Variants in ADAMTS16 observed in about 807,000 individuals in gnomAD.
ADAMTS16 encodes ADAM metallopeptidase with thrombospondin type 1 motif 16, also known as A disintegrin and metalloproteinase with thrombospondin motifs 16.
Under a neutral mutation model 145.8 loss-of-function variants are expected in ADAMTS16, and 94 were observed. The ratio of observed to expected loss-of-function variants is 0.64; its 90% CI spans 0.55 to 0.77. The LOEUF is 0.77. Among genes scored for constraint, ADAMTS16 ranks in the 30% least tolerant of loss-of-function variants. ADAMTS16 has a pLI of 0.00. For missense variants in ADAMTS16, 1,585 were observed against 1,591.5 expected (o/e 1.00, Z 0.07); for synonymous variants, 659 against 604.3 (o/e 1.09, Z -1.33).
chr5:5,303,672 C>T lies in ADAMTS16; in HGVS notation c.3092C>T (p.Thr1031Ile). The change falls in exon 20 of 23, where the codon ACC becomes ATC. Residue 1031 changes from threonine (T) to isoleucine (I), a missense_variant. Around this residue, in one of 3 missense-constraint regions of ADAMTS16, gnomAD observed 834 missense variants for 811.7 expected, o/e 1.03. Transcript: ENST00000274181. ...RAQLLPDAVC[T>I]SEPKPRMHEA... ...CAGCTGCTGCCCGACGCTGTCTGCA[C>T]CTCCGAGCCCAAGCCCAGGATGCAT... 1 of 1,613,902 alleles carries T rather than the reference C, an allele frequency of 6.2e-7. No homozygotes were observed.
At chr5:5,272,153 GGT>G (rs1201552352) in intron 18 of ADAMTS16, among the ~76,000 whole-genome samples, 2 of 152,072 alleles carry the variant, frequency 1.3e-5, no homozygotes, top group African/African-American at 4.8e-5. Context: ...TTGCTTAGGT[GGT>G]GTTTGTGTAG....
At chr5:5,272,401 A>T (rs532266906) in intron 18 of ADAMTS16, among the ~76,000 whole-genome samples, 5 of 129,850 alleles carry the variant, frequency 3.9e-5, no homozygotes, top group African/African-American at 1.4e-4. Flanking sequence ...TTGCTCTGTC[A>T]CCCAGGCTGG....
intron 7 of ADAMTS16, among the ~76,000 whole-genome samples, chr5:5,191,243 A>G (rs776318507): frequency 2.6e-5 from 4 of 152,178 alleles, no homozygotes; most frequent in Non-Finnish European, 4.4e-5. Flanking sequence ...GTTATGACAG[A>G]TGTGAATCAT....
At chr5:5,190,159 C>G (rs564081784) in intron 7 of ADAMTS16, 29 bp downstream of exon 7, 1 of 1,542,952 alleles carries the variant, frequency 6.5e-7, no homozygotes, top group Non-Finnish European at 8.7e-7. Context: ...GTGTGAGGAC[C>G]GTGTGTGGAA....
chr5:5,208,122 A>G (rs565165105), intron 9 of ADAMTS16, among the ~76,000 whole-genome samples: 2 of 152,310 alleles, frequency 1.3e-5, no homozygotes, highest in East Asian at 3.9e-4. Context: ...AATCTCTGGT[A>G]TAATTCACAG....
chr5:5,303,603 A>T lies in ADAMTS16; in HGVS notation c.3023A>T (p.Lys1008Met). ...CACACCTGTGGGAAGGGGTGGAGGAAGCGGGCAGTGGCCTGTAAGAGCACC... is the reference window on the plus strand; with the variant it reads ...CACACCTGTGGGAAGGGGTGGAGGATGCGGGCAGTGGCCTGTAAGAGCACC... ...CSHTCGKGWR[K>M]RAVACKSTNP... is the part of the protein sequence containing the mutation. Residue 1008 changes from lysine (K) to methionine (M), a missense_variant, in exon 20 of 23, where the codon AAG becomes ATG. Physicochemically the swap from Lys to Met is moderately conservative, Grantham distance 95. This residue lies in a region of ADAMTS16 where 834 missense variants were observed against 811.7 expected (regional missense o/e 1.03). Coordinates refer to ENST00000274181, the MANE Select transcript of ADAMTS16 (RefSeq NM_139056.4). 2 of 1,614,112 alleles carry T rather than the reference A, an allele frequency of 1.2e-6. No homozygotes were observed. The highest frequency in any genetic ancestry group is 1.7e-6 in the Non-Finnish European group (2 of 1,180,014).
At chr5:5,311,893 T>A (rs1010391186) in intron 21 of ADAMTS16, among the ~76,000 whole-genome samples, 1 of 152,046 alleles carries the variant, frequency 6.6e-6, no homozygotes, top group African/African-American at 2.4e-5. Flanking sequence ...ATTGTTTGTA[T>A]TTTTTAGTAC....
chr5:5,207,560 T>C (rs1322413129), intron 9 of ADAMTS16, among the ~76,000 whole-genome samples: 1 of 152,198 alleles, frequency 6.6e-6, no homozygotes, highest in South Asian at 2.1e-4. Context: ...TAGGTAGCAC[T>C]TCCAATACAA....
chr5:5,252,261 A>G (rs1737653151), intron 17 of ADAMTS16, among the ~76,000 whole-genome samples: 1 of 152,174 alleles, frequency 6.6e-6, no homozygotes. Flanking sequence ...AAGGACACTC[A>G]CCAGTCCTTG....
rs1233473973 is a variant in ADAMTS16 at position 5,168,720 on chromosome 5, T to TTATAATTATATAATTATATAAAA, written c.502-13304_502-13282dup. Among the ~76,000 whole-genome samples, 14 of 138,604 alleles carry TTATAATTATATAATTATATAAAA rather than the reference T, an allele frequency of 1.0e-4. No individual in the cohort carries two copies. The South Asian group carries it at 3.0e-3, about 30-fold the overall frequency. The allele number at this position is 138,604 out of a possible 152,430, so 90.9% of individuals were successfully genotyped here. Reference sequence around the variant, plus strand: ...AATATAATATATAATAATTATAATTTTATAATTATATAATTATATAAAATA... The same window carrying TTATAATTATATAATTATATAAAA: ...AATATAATATATAATAATTATAATTTTATAATTATATAATTATATAAAATATAATTATATAATTATATAAAATA... On this transcript the variant is annotated intron_variant, in intron 3 of 22. Coordinates refer to ENST00000274181, the MANE Select transcript of ADAMTS16 (RefSeq NM_139056.4).
intron 10 of ADAMTS16, among the ~76,000 whole-genome samples, chr5:5,214,012 A>T (rs1052881933): frequency 1.3e-5 from 2 of 152,242 alleles, no homozygotes; most frequent in African/African-American, 4.8e-5. Context: ...TCCTCCAGTC[A>T]GTGAGACTGC....
rs1735498138 is a variant in ADAMTS16, at chr5:5,186,304, GTGTGT to G, written c.963+54_963+58del. On this transcript the variant is annotated intron_variant, in intron 5 of 22. Transcript: ENST00000274181. ...CCTGTGTCATTGCACTTCGTAGGGT[GTGTGT>G]GTGTGTGTGTGTGTGTGTGTGTGTG... 6.5e-4 allele frequency: 700 copies of G among 1,080,724 alleles called. 10 individuals carry two copies. The highest frequency in any genetic ancestry group is 1.1e-3 in the Middle Eastern group (5 of 4,536). The allele number at this position is 1,080,724 out of a possible 1,614,324, so 66.9% of individuals were successfully genotyped here.
intron 8 of ADAMTS16, among the ~76,000 whole-genome samples, chr5:5,193,158 TGTGTGCGCGC>T (rs956565993): frequency 2.3e-4 from 33 of 142,546 alleles, no homozygotes; most frequent in Non-Finnish European, 7.7e-5. Context: ...TGTGTGTGTG[TGTGTGCGCGC>T]GCGCACATAT....
intron 10 of ADAMTS16, among the ~76,000 whole-genome samples, chr5:5,218,550 G>A (rs761473133): frequency 4.6e-5 from 7 of 152,244 alleles, no homozygotes; most frequent in Non-Finnish European, 1.0e-4. Flanking sequence ...GATGGCTTGT[G>A]TTAACCAGTT....
rs1028409693 is a variant in ADAMTS16, at chr5:5,186,371, A to G, written c.963+120A>G. On this transcript the variant is annotated intron_variant, in intron 5 of 22. Coordinates refer to ENST00000274181, the MANE Select transcript of ADAMTS16 (RefSeq NM_139056.4). ...CTTGTTACCTGTGGATTGATGTTCCATATATGAGAAATATTTTATTGGTGA... is the reference window on the plus strand; with the variant it reads ...CTTGTTACCTGTGGATTGATGTTCCGTATATGAGAAATATTTTATTGGTGA... 21 of 902,104 alleles carry G rather than the reference A, an allele frequency of 2.3e-5. No homozygotes were observed. In the African/African-American group the frequency reaches 2.9e-4, roughly 12 times the overall value. 55.9% of individuals were successfully genotyped at this position (902,104 alleles called of 1,614,324 possible).
chr5:5,297,863 A>G (rs1204707482), intron 18 of ADAMTS16, among the ~76,000 whole-genome samples: 1 of 152,144 alleles, frequency 6.6e-6, no homozygotes, highest in Non-Finnish European at 1.5e-5. Flanking sequence ...CTCATTGTAA[A>G]TCTCTCCTTG....
intron 11 of ADAMTS16, among the ~76,000 whole-genome samples, chr5:5,224,727 T>G (rs765720088): frequency 3.9e-5 from 6 of 152,226 alleles, no homozygotes; most frequent in Non-Finnish European, 5.9e-5. Context: ...TTGATTAAAA[T>G]GGATTATTCA....
chr5:5,241,946 A>G (rs544629137), intron 16 of ADAMTS16, 107 bp from the exon 17 acceptor site: 8 of 1,330,514 alleles, frequency 6.0e-6, no homozygotes, highest in Non-Finnish European at 8.3e-6. Context: ...CATCATAACA[A>G]ACTTCTTGTT....
intron 21 of ADAMTS16, among the ~76,000 whole-genome samples, chr5:5,309,692 C>A (rs1412964474): frequency 6.6e-6 from 1 of 152,034 alleles, no homozygotes; most frequent in Admixed American, 6.6e-5. Context: ...CCAAAGGTAA[C>A]CCTCACTGGC....
Sources: allele counts gnomAD v4.1 joint callset (sites outside exome capture counted in the v4.1 genomes callset), GRCh38; gene constraint gnomAD v4.1.1; regional missense constraint gnomAD v4.1.1; transcripts MANE v1.5; gene names NCBI Gene and HGNC (gene_info 2026-07-23, HGNC 2026-07-21).